The following ZSWIM5 variants were observed in gnomAD, a reference collection of about 807,000 sequenced individuals.
ZSWIM5 encodes zinc finger SWIM-type containing 5.
ZSWIM5 carries 55 observed loss-of-function variants against 119.6 expected under a neutral mutation model. The ratio of observed to expected loss-of-function variants is 0.46; its 90% CI spans 0.37 to 0.58. The LOEUF is 0.58. ZSWIM5 is among the 20% of genes least tolerant of loss of function. The pLI is 0.00. For missense variants in ZSWIM5, 1,193 were observed against 1,512.8 expected (o/e 0.79, Z 3.51); for synonymous variants, 537 against 606.9 (o/e 0.88, Z 1.69).
intron 2 of ZSWIM5, among the ~76,000 whole-genome samples, chr1:45,062,710 T>C (rs1403381128): frequency 1.3e-5 from 2 of 152,168 alleles, no homozygotes; most frequent in Non-Finnish European, 2.9e-5. Flanking sequence ...TCTTGCTATA[T>C]TGCCCAGGCT....
intron 1 of ZSWIM5, among the ~76,000 whole-genome samples, chr1:45,160,657 C>T (rs967491667): frequency 7.0e-6 from 1 of 142,728 alleles, no homozygotes; most frequent in Non-Finnish European, 1.5e-5. Context: ...ATATGTACCA[C>T]TTTTTTTTTT....
rs1381423999 is a variant in ZSWIM5, at chr1:45,033,265, T to C, written c.2449+1047A>G. On this transcript the variant is annotated intron_variant, in intron 11 of 13. Transcript: ENST00000359600. ...CTTTTCTGTGAACTGTCTGATCATA[T>C]GCTTTGTTCTATTTTTGTATTTGTT... Among the ~76,000 whole-genome samples, 3 of 152,238 alleles carry C rather than the reference T, an allele frequency of 2.0e-5. No individual in the cohort carries two copies. The East Asian group carries it at 5.8e-4, about 29-fold the overall frequency.
chr1:45,184,627 C>G (rs987214617), intron 1 of ZSWIM5, among the ~76,000 whole-genome samples: 1 of 151,994 alleles, frequency 6.6e-6, no homozygotes, highest in Non-Finnish European at 1.5e-5. Flanking sequence ...AGAGCCAAAT[C>G]ATGAGTGAAC....
At chr1:45,144,441 AG>A (rs945524950) in intron 1 of ZSWIM5, among the ~76,000 whole-genome samples, 16 of 152,052 alleles carry the variant, frequency 1.1e-4, no homozygotes, top group African/African-American at 3.6e-4. Flanking sequence ...AGGTTGAGAC[AG>A]GAGGTTTGCT....
At chr1:45,107,797 T>A (rs1025627757) in intron 1 of ZSWIM5, among the ~76,000 whole-genome samples, 1 of 151,728 alleles carries the variant, frequency 6.6e-6, no homozygotes, top group Non-Finnish European at 1.5e-5. Context: ...TTCTTTTCTT[T>A]TCTTATTTTT....
intron 1 of ZSWIM5, among the ~76,000 whole-genome samples, chr1:45,115,544 G>A (rs1264325724): frequency 9.3e-5 from 14 of 150,200 alleles, no homozygotes; most frequent in African/African-American, 1.5e-4. Context: ...CAGACGGGGC[G>A]CGGGGCAGAG....
At chr1:45,182,187 C>A (rs550650660) in intron 1 of ZSWIM5, among the ~76,000 whole-genome samples, 2 of 152,024 alleles carry the variant, frequency 1.3e-5, no homozygotes, top group African/African-American at 2.4e-5. Flanking sequence ...GAGGCCGAGG[C>A]GGGCGGATCA....
At position 45,056,610 on chromosome 1, in the gene ZSWIM5, CA is replaced by C. The variant is rs35492318; in HGVS notation, c.1252+1998del. 9.9e-4 allele frequency among the ~76,000 whole-genome samples: 139 copies of C among 140,788 alleles called. 1 individual carries two copies. The highest frequency in any genetic ancestry group is 3.3e-3 in the African/African-American group (124 of 38,012). 92.4% of individuals were successfully genotyped at this position (140,788 alleles called of 152,430 possible). On this transcript the variant is annotated intron_variant, in intron 4 of 13. Coordinates refer to ENST00000359600, the MANE Select transcript of ZSWIM5 (RefSeq NM_020883.2). ...TGGGTGACAGAGTGAGACTCTGTCT[CA>C]AAAAAAAAAAAAGATATTAGAGCAT...
At chr1:45,077,530 C>G (rs534978094) in intron 2 of ZSWIM5, among the ~76,000 whole-genome samples, 2 of 152,300 alleles carry the variant, frequency 1.3e-5, no homozygotes, top group African/African-American at 4.8e-5. Flanking sequence ...AGGGCGAGAT[C>G]ACAGGACCAC....
intron 1 of ZSWIM5, among the ~76,000 whole-genome samples, chr1:45,092,714 C>A (rs1195554937): frequency 2.6e-5 from 4 of 152,214 alleles, no homozygotes; most frequent in Non-Finnish European, 1.5e-5. Flanking sequence ...TTAATATTTA[C>A]AATCAGTTGA....
At chr1:45,092,551 C>CG (rs1553193703) in intron 1 of ZSWIM5, among the ~76,000 whole-genome samples, 3 of 121,560 alleles carry the variant, frequency 2.5e-5, no homozygotes, top group Admixed American at 7.8e-5. Flanking sequence ...CCCCCCCCCC[C>CG]GCCAGCCTTA....
At chr1:45,111,753 T>C (rs1340251096) in intron 1 of ZSWIM5, among the ~76,000 whole-genome samples, 1 of 152,380 alleles carries the variant, frequency 6.6e-6, no homozygotes, top group East Asian at 1.9e-4. Context: ...CCTCTTTCAC[T>C]TATAAGGATG....
At chr1:45,120,668 G>T (rs186940802) in intron 1 of ZSWIM5, among the ~76,000 whole-genome samples, 9 of 151,626 alleles carry the variant, frequency 5.9e-5, no homozygotes, top group South Asian at 4.2e-4. Context: ...AGACATGGGG[G>T]TCTCCCTATG....
intron 11 of ZSWIM5, among the ~76,000 whole-genome samples, chr1:45,024,898 G>A (rs1210168490): frequency 2.6e-5 from 4 of 151,446 alleles, no homozygotes; most frequent in Non-Finnish European, 2.9e-5. Flanking sequence ...CAGATGATCT[G>A]CCCGCCTCAG....
At chr1:45,197,105 G>A (rs897193123) in intron 1 of ZSWIM5, among the ~76,000 whole-genome samples, 1 of 152,190 alleles carries the variant, frequency 6.6e-6, no homozygotes, top group East Asian at 1.9e-4. Flanking sequence ...TCAGAACTAA[G>A]AAAGTTTGAC....
chr1:45,148,571 A>T (rs1176368383), intron 1 of ZSWIM5, among the ~76,000 whole-genome samples: 1 of 151,962 alleles, frequency 6.6e-6, no homozygotes, highest in Non-Finnish European at 1.5e-5. Context: ...AATAGTGAAT[A>T]GAATTCTTCT....
intron 4 of ZSWIM5, among the ~76,000 whole-genome samples, chr1:45,056,508 T>C (rs1331213695): frequency 6.6e-6 from 1 of 151,502 alleles, no homozygotes; most frequent in Non-Finnish European, 1.5e-5. Context: ...GCAGAAGAAT[T>C]GCTTGAACCC....
intron 1 of ZSWIM5, among the ~76,000 whole-genome samples, chr1:45,181,418 G>A (rs1343310223): frequency 6.6e-6 from 1 of 152,122 alleles, no homozygotes; most frequent in Non-Finnish European, 1.5e-5. Flanking sequence ...AAGCCTCCAA[G>A]AAATATGGGA....
At chr1:45,200,134 A>G (rs1315883260) in intron 1 of ZSWIM5, among the ~76,000 whole-genome samples, 2 of 152,222 alleles carry the variant, frequency 1.3e-5, no homozygotes, top group African/African-American at 4.8e-5. Flanking sequence ...CATTCATTCA[A>G]TAAACATTTA....
Sources: allele counts gnomAD v4.1 joint callset (sites outside exome capture counted in the v4.1 genomes callset), GRCh38; gene constraint gnomAD v4.1.1; transcripts MANE v1.5; gene names NCBI Gene and HGNC (gene_info 2026-07-23, HGNC 2026-07-21).